Variants in LDB1 observed in about 807,000 individuals in gnomAD.
The protein encoded by LDB1 is LIM domain binding 1.
LDB1 carries 6 observed loss-of-function variants against 49.7 expected under a neutral mutation model. That is an observed-to-expected ratio of 0.12 (90% CI 0.07 to 0.24). The LOEUF is 0.24. Ranked by LOEUF, LDB1 falls within the 10% of genes least tolerant of loss-of-function variation. The pLI is 1.00. For synonymous variants in LDB1, 233 were observed against 202.0 expected (o/e 1.15, Z -1.30); for missense variants, 341 against 561.7 (o/e 0.61, Z 3.97).
intron 1 of LDB1, among the ~76,000 whole-genome samples, chr10:102,112,282 G>A (rs2068267125): frequency 7.2e-5 from 11 of 152,178 alleles, no homozygotes; most frequent in Admixed American, 7.2e-4. Flanking sequence ...TACAGATGAG[G>A]CAACTGAGGG....
chr10:102,114,552 C>T, intron 1 of LDB1: 1 of 985,744 alleles, frequency 1.0e-6, no homozygotes, highest in Non-Finnish European at 1.2e-6. Flanking sequence ...AGCTCCAGTC[C>T]GCCGGCCGCA....
In LDB1 at chr10:102,109,714, C is replaced by T. The variant is rs764799471; in HGVS notation, c.649-31G>A. On this transcript the variant is annotated intron_variant, in intron 7 of 10. Coordinates refer to ENST00000673968, the MANE Select transcript of LDB1 (RefSeq NM_001113407.3). This position sits in a 1 kb window ranked among gnomAD's most constrained non-coding sequence, Gnocchi z 5.8. ...GTGGGAGAAAAGACAAGAAAGAACA[C>T]TGACACCTGGGTTGCCTCTGCTCAC... 4 of 1,607,572 alleles carry T rather than the reference C, an allele frequency of 2.5e-6. No individual in the cohort carries two copies. The highest frequency in any genetic ancestry group is 2.6e-6 in the Non-Finnish European group (3 of 1,174,276).
At chr10:102,114,330 G>C in intron 1 of LDB1, 1 of 985,970 alleles carries the variant, frequency 1.0e-6, no homozygotes, top group Non-Finnish European at 1.2e-6. Context: ...CTCTCCCCCA[G>C]CCCGCAGATC....
In LDB1 at chr10:102,117,430, C is replaced by A. The variant is rs2068348085; in HGVS notation, c.25+2656G>T. On this transcript the variant is annotated intron_variant, in intron 1 of 10. Transcript: ENST00000673968. This position sits in a 1 kb window ranked among gnomAD's most constrained non-coding sequence, Gnocchi z 4.2. ...AGAATTGGTGGTGAGGTGGAGGGAGCAGCAAATAATGACAAAGATGATGAG... is the reference window on the plus strand; with the variant it reads ...AGAATTGGTGGTGAGGTGGAGGGAGAAGCAAATAATGACAAAGATGATGAG... Among the ~76,000 whole-genome samples, 2 of 152,162 alleles carry A rather than the reference C, an allele frequency of 1.3e-5. No homozygotes were observed. Among genetic ancestry groups the A allele is most frequent in the Admixed American group, 1.3e-4 (2 of 15,268 alleles).
At position 102,107,979 on chromosome 10, in the gene LDB1, T is replaced by A; in HGVS notation, c.*114A>T. The A allele has an allele frequency of 1.2e-6, 1 of 852,580 alleles. No individual in the cohort carries two copies. The highest frequency in any genetic ancestry group is 2.0e-5 in the Admixed American group (1 of 50,648). The allele number at this position is 852,580 out of a possible 1,614,324, so 52.8% of individuals were successfully genotyped here. ...GAGTCCAGTTCCTCCCTGAAGCGGG[T>A]GGATGGAGGCTGCCCATTTTAGATG... On this transcript the variant is annotated 3_prime_UTR_variant, in exon 11 of 11. Coordinates refer to ENST00000673968, the MANE Select transcript of LDB1 (RefSeq NM_001113407.3).
upstream of LDB1, among the ~76,000 whole-genome samples, chr10:102,120,897 C>G (rs769770995): frequency 6.6e-6 from 1 of 152,302 alleles, no homozygotes; most frequent in Admixed American, 6.5e-5. Flanking sequence ...TGCAGACCCC[C>G]TGTCCGTGCT....
chr10:102,118,740 G>A (rs2068364167), intron 1 of LDB1, among the ~76,000 whole-genome samples: 1 of 152,188 alleles, frequency 6.6e-6, no homozygotes, highest in South Asian at 2.1e-4. Flanking sequence ...GGATCTGAAA[G>A]GGGTACCCAG....
chr10:102,116,112 G>A (rs1466753445), intron 1 of LDB1, among the ~76,000 whole-genome samples: 1 of 152,190 alleles, frequency 6.6e-6, no homozygotes, highest in Non-Finnish European at 1.5e-5. Flanking sequence ...ACCTGGCTCT[G>A]TGAACATCTT....
chr10:102,114,232 A>T (rs2068298513), intron 1 of LDB1, among the ~76,000 whole-genome samples: 1 of 152,138 alleles, frequency 6.6e-6, no homozygotes, highest in Non-Finnish European at 1.5e-5. Context: ...CATGGTAACC[A>T]GGCTGACTCG....
At chr10:102,114,910 A>C in intron 1 of LDB1, 2 of 913,578 alleles carry the variant, frequency 2.2e-6, no homozygotes, top group Non-Finnish European at 2.6e-6. Flanking sequence ...ACACTCAAAC[A>C]CACACGCAGC....
Position 102,109,251 on chromosome 10 carries a change from C to A in LDB1, c.857-74G>T. 1 of 1,607,928 alleles carries A rather than the reference C, an allele frequency of 6.2e-7. No homozygotes were observed. Among genetic ancestry groups the A allele is most frequent in the Non-Finnish European group, 8.5e-7 (1 of 1,177,096 alleles). On this transcript the variant is annotated intron_variant, in intron 9 of 10. Transcript: ENST00000673968. The surrounding 1 kb of genome is among the most constrained non-coding windows in gnomAD (Gnocchi z 5.8). ...ATTCTCCATTGTGGCTCCCAAGGAG[C>A]ATGAGCCTGCCCTGATCCCAATTTT...
chr10:102,108,035 TG>T lies in LDB1; in HGVS notation c.*57del. On this transcript the variant is annotated 3_prime_UTR_variant, in exon 11 of 11. Coordinates refer to ENST00000673968, the MANE Select transcript of LDB1 (RefSeq NM_001113407.3). ...TCTCTTCATTCTGTCTTCTGCTCCC[TG>T]GGGCTGTGAGGGGTGGGGCAGGTAG... 1 of 1,303,906 alleles carries T rather than the reference TG, an allele frequency of 7.7e-7. No individual in the cohort carries two copies. Among genetic ancestry groups the T allele is most frequent in the South Asian group, 1.2e-5 (1 of 84,408 alleles). The allele number at this position is 1,303,906 out of a possible 1,614,324, so 80.8% of individuals were successfully genotyped here.
chr10:102,114,812 G>GGGGCCCCCCCCCCCCCCC, intron 1 of LDB1: 137 of 929,756 alleles, frequency 1.5e-4, no homozygotes, highest in Middle Eastern at 5.5e-4. Context: ...CCTCCGAGCA[G>GGGGCCCCCCCCCCCCCCC]CCCGCCCGCC....
chr10:102,113,266 C>T (rs2068281937), intron 1 of LDB1, among the ~76,000 whole-genome samples: 1 of 152,210 alleles, frequency 6.6e-6, no homozygotes, highest in African/African-American at 2.4e-5. Flanking sequence ...TGTGTGCCTG[C>T]ACACACGTGT....
At chr10:102,120,386 TGCGCGTGTGC>T (rs2068402724), upstream of LDB1, 1 of 983,676 alleles carries the variant, frequency 1.0e-6, no homozygotes, top group African/African-American at 1.8e-5. Flanking sequence ...TGTGCGTGTG[TGCGCGTGTGC>T]GTGTGCGTGT....
chr10:102,103,894 G>A (rs561885976), downstream of LDB1, among the ~76,000 whole-genome samples: 1 of 151,810 alleles, frequency 6.6e-6, no homozygotes, highest in South Asian at 2.1e-4. Context: ...AAACCACGTC[G>A]CTACTAAAAA....
chr10:102,104,061 T>TAA (rs879920056), downstream of LDB1, among the ~76,000 whole-genome samples: 76 of 139,002 alleles, frequency 5.5e-4, no homozygotes, highest in Middle Eastern at 7.4e-3. Context: ...GACTCTATCT[T>TAA]AAAAAAAAAA....
chr10:102,108,525 C>A (rs2068202288), intron 10 of LDB1, among the ~76,000 whole-genome samples: 1 of 152,154 alleles, frequency 6.6e-6, no homozygotes, highest in Admixed American at 6.5e-5. Flanking sequence ...GCATCAAAGC[C>A]TTTAGCCCAT....
chr10:102,114,431 A>T (rs2068302618), intron 1 of LDB1: 2 of 985,982 alleles, frequency 2.0e-6, no homozygotes. Flanking sequence ...GGGCCAGGAG[A>T]GGTACGGGGG....
Sources: allele counts gnomAD v4.1 joint callset (sites outside exome capture counted in the v4.1 genomes callset), GRCh38; gene constraint gnomAD v4.1.1; non-coding constraint Gnocchi (gnomAD v3.1); transcripts MANE v1.5; gene names NCBI Gene and HGNC (gene_info 2026-07-23, HGNC 2026-07-21).